Variants in GABBR2 observed in about 807,000 individuals in gnomAD.
The protein encoded by GABBR2 is gamma-aminobutyric acid type B receptor subunit 2.
GABBR2 carries 23 observed loss-of-function variants against 105.6 expected under a neutral mutation model. The observed-to-expected ratio is 0.22, with a 90% CI of 0.16 to 0.31. GABBR2 has a LOEUF of 0.31. Ranked by LOEUF, GABBR2 falls within the 10% of genes least tolerant of loss-of-function variation. The pLI, the probability that GABBR2 is intolerant of heterozygous loss-of-function variation, is 1.00. For missense variants in GABBR2, 734 were observed against 1,245.5 expected (o/e 0.59, Z 6.18); for synonymous variants, 478 against 499.7 (o/e 0.96, Z 0.58).
chr9:98,584,798 C>A (rs945239279), intron 1 of GABBR2, among the ~76,000 whole-genome samples: 1 of 152,146 alleles, frequency 6.6e-6, no homozygotes, highest in Non-Finnish European at 1.5e-5. Context: ...GCTAATGTGT[C>A]CAACCTGCCC....
chr9:98,687,986 C>T (rs896598869), intron 1 of GABBR2, among the ~76,000 whole-genome samples: 7 of 152,222 alleles, frequency 4.6e-5, no homozygotes, highest in Non-Finnish European at 1.0e-4. Flanking sequence ...GACACCCCTT[C>T]TCAGCAGACC....
chr9:98,647,592 C>A (rs1314648281), intron 1 of GABBR2, among the ~76,000 whole-genome samples: 1 of 152,178 alleles, frequency 6.6e-6, no homozygotes, highest in Non-Finnish European at 1.5e-5. Context: ...CCGAGCCTGG[C>A]ACCCGACGGG....
intron 1 of GABBR2, among the ~76,000 whole-genome samples, chr9:98,587,961 G>A (rs548144134): frequency 6.6e-6 from 1 of 152,264 alleles, no homozygotes; most frequent in East Asian, 1.9e-4. Context: ...TATAATATAT[G>A]CATAGAGAGA....
intron 1 of GABBR2, among the ~76,000 whole-genome samples, chr9:98,599,287 T>C (rs1284230901): frequency 6.6e-6 from 1 of 152,144 alleles, no homozygotes; most frequent in Non-Finnish European, 1.5e-5. Flanking sequence ...AGATTTTATA[T>C]GTGGGCTTCT....
intron 1 of GABBR2, among the ~76,000 whole-genome samples, chr9:98,680,503 G>T (rs1363085009): frequency 6.6e-6 from 1 of 151,970 alleles, no homozygotes; most frequent in Non-Finnish European, 1.5e-5. Context: ...TAGAGACGGG[G>T]TTTCACCGTG....
At position 98,708,682 on chromosome 9, in the gene GABBR2, G is replaced by C; in HGVS notation, c.56C>G (p.Pro19Arg). The change falls in exon 1 of 19, where the codon CCG (proline) becomes CGG (arginine). Residue 19 changes from proline to arginine, a missense_variant. By Grantham distance (103) the Pro-to-Arg change is moderately radical (BLOSUM62 -2). Transcript: ENST00000259455. Reference sequence around the variant, plus strand: ...CAGTAGCAGTAGCAGGCGCGCGGGCGGCGGTGGCGGCGGCGGCGGCGGCCC... The same window carrying C: ...CAGTAGCAGTAGCAGGCGCGCGGGCCGCGGTGGCGGCGGCGGCGGCGGCCC... ...QPGPPPPPPP[P>R]PARLLLLLLL... 1 of 1,080,434 alleles carries C rather than the reference G, an allele frequency of 9.3e-7. No homozygotes were observed. The highest frequency in any genetic ancestry group is 1.1e-6 in the Non-Finnish European group (1 of 892,706). The allele number at this position is 1,080,434 out of a possible 1,614,324, so 66.9% of individuals were successfully genotyped here.
At chr9:98,366,925 C>G (rs955519123) in intron 12 of GABBR2, among the ~76,000 whole-genome samples, 2 of 152,162 alleles carry the variant, frequency 1.3e-5, no homozygotes, top group African/African-American at 4.8e-5. Flanking sequence ...AATTTCTACT[C>G]TTGTTTCAAC....
At chr9:98,451,598 A>G (rs1411695645) in intron 7 of GABBR2, among the ~76,000 whole-genome samples, 1 of 152,208 alleles carries the variant, frequency 6.6e-6, no homozygotes, top group Admixed American at 6.5e-5. Context: ...GTTAAAACAC[A>G]GATGGCTGGG....
At chr9:98,643,688 G>A (rs1362621640) in intron 1 of GABBR2, among the ~76,000 whole-genome samples, 2 of 152,336 alleles carry the variant, frequency 1.3e-5, no homozygotes, top group East Asian at 3.9e-4. Flanking sequence ...CTTAATCCAT[G>A]TGAGCCAACT....
At chr9:98,549,190 C>T (rs201725261) in intron 2 of GABBR2, among the ~76,000 whole-genome samples, 1 of 122,184 alleles carries the variant, frequency 8.2e-6, no homozygotes, top group East Asian at 3.6e-4. Context: ...AGGTGATCCA[C>T]CTGCTTTGGC....
intron 18 of GABBR2, among the ~76,000 whole-genome samples, chr9:98,291,947 G>A (rs1564004447): frequency 2.0e-5 from 3 of 152,224 alleles, no homozygotes. Flanking sequence ...GTGTGGGTTA[G>A]CACGTGATGG....
chr9:98,477,614 T>C (rs2131637904), intron 5 of GABBR2, among the ~76,000 whole-genome samples: 1 of 152,270 alleles, frequency 6.6e-6, no homozygotes, highest in Middle Eastern at 3.4e-3. Context: ...GAGTGGGCCA[T>C]CCTGAGTTCA....
At chr9:98,309,538 T>G (rs1830604690) in intron 14 of GABBR2, among the ~76,000 whole-genome samples, 1 of 152,204 alleles carries the variant, frequency 6.6e-6, no homozygotes, top group South Asian at 2.1e-4. Context: ...GTTACAAGAA[T>G]CCATCTTTAC....
At chr9:98,483,648 C>T (rs776577283) in intron 4 of GABBR2, among the ~76,000 whole-genome samples, 12 of 152,200 alleles carry the variant, frequency 7.9e-5, no homozygotes, top group South Asian at 2.1e-4. Context: ...ATTCCCACTT[C>T]GCCCCCCACC....
chr9:98,695,171 G>A (rs566910603), intron 1 of GABBR2, among the ~76,000 whole-genome samples: 2 of 152,226 alleles, frequency 1.3e-5, no homozygotes, highest in Admixed American at 1.3e-4. Context: ...CATTTGCAAG[G>A]CACCAGGGGC....
At chr9:98,683,703 T>C (rs567386278) in intron 1 of GABBR2, among the ~76,000 whole-genome samples, 2 of 151,668 alleles carry the variant, frequency 1.3e-5, no homozygotes, top group Admixed American at 1.3e-4. Flanking sequence ...ACAACCTGCA[T>C]GTTCGACAAC....
At chr9:98,514,895 G>A (rs1827727402) in intron 3 of GABBR2, among the ~76,000 whole-genome samples, 1 of 152,160 alleles carries the variant, frequency 6.6e-6, no homozygotes, top group Non-Finnish European at 1.5e-5. Flanking sequence ...GGCCACATGG[G>A]GAAGTCTAGG....
intron 1 of GABBR2, among the ~76,000 whole-genome samples, chr9:98,640,834 G>A (rs985149447): frequency 1.3e-5 from 2 of 152,144 alleles, no homozygotes; most frequent in Admixed American, 6.5e-5. Flanking sequence ...CAGTGTGCCT[G>A]AGGGACACAC....
intron 13 of GABBR2, among the ~76,000 whole-genome samples, chr9:98,312,054 T>C (rs1044534485): frequency 1.3e-5 from 2 of 152,238 alleles, no homozygotes; most frequent in Non-Finnish European, 2.9e-5. Context: ...CACCCCTGAA[T>C]ATCCTAGCAT....
Sources: allele counts gnomAD v4.1 joint callset (sites outside exome capture counted in the v4.1 genomes callset), GRCh38; gene constraint gnomAD v4.1.1; transcripts MANE v1.5; gene names NCBI Gene and HGNC (gene_info 2026-07-23, HGNC 2026-07-21).